DCLK2: variants seen among roughly 807,000 people sequenced by gnomAD.
The protein encoded by DCLK2 is doublecortin like kinase 2.
Under a neutral mutation model 78.4 loss-of-function variants are expected in DCLK2, and 31 were observed. The ratio of observed to expected loss-of-function variants is 0.40; its 90% CI spans 0.30 to 0.53. The LOEUF is 0.53. Ranked by LOEUF, DCLK2 falls within the 20% of genes least tolerant of loss-of-function variation. The probability of loss-of-function intolerance (pLI) is 0.61; values close to 1 mark genes in which losing one functional copy is unlikely to be tolerated. For missense variants in DCLK2, 872 were observed against 973.7 expected (o/e 0.90, Z 1.39); for synonymous variants, 407 against 374.9 (o/e 1.09, Z -0.99).
intron 12 of DCLK2, 91 bp from the exon 13 acceptor site, chr4:150,247,511 TG>T: frequency 9.9e-7 from 1 of 1,005,712 alleles, no homozygotes; most frequent in Non-Finnish European, 1.5e-6. Context: ...AGCCAGAGAC[TG>T]GACTCCTTTC....
intron 1 of DCLK2, among the ~76,000 whole-genome samples, chr4:150,080,046 C>A (rs1403446766): frequency 1.3e-5 from 2 of 151,936 alleles, no homozygotes; most frequent in Admixed American, 1.3e-4. Flanking sequence ...GATCCCCCAA[C>A]CCCCAGATAT....
intron 2 of DCLK2, among the ~76,000 whole-genome samples, chr4:150,180,195 T>G (rs1335502713): frequency 6.6e-6 from 1 of 152,136 alleles, no homozygotes; most frequent in Non-Finnish European, 1.5e-5. Flanking sequence ...AAATCTCAGC[T>G]CCTCCCTTAC....
chr4:150,194,803 A>G (rs1468315959), intron 3 of DCLK2, among the ~76,000 whole-genome samples: 2 of 152,074 alleles, frequency 1.3e-5, no homozygotes, highest in African/African-American at 4.8e-5. Context: ...GGATTAGAGA[A>G]CTGTACTACC....
intron 2 of DCLK2, among the ~76,000 whole-genome samples, chr4:150,109,785 G>A (rs535234367): frequency 1.3e-5 from 2 of 152,258 alleles, no homozygotes; most frequent in South Asian, 4.1e-4. Context: ...AGAGCAACTA[G>A]TAGGATATTT....
At chr4:150,178,850 GA>G (rs985511586) in intron 2 of DCLK2, among the ~76,000 whole-genome samples, 5 of 152,120 alleles carry the variant, frequency 3.3e-5, no homozygotes, top group Non-Finnish European at 5.9e-5. Context: ...TCCTAAACTT[GA>G]AATATCTCTT....
chr4:150,128,197 C>T (rs1259146644), intron 2 of DCLK2, among the ~76,000 whole-genome samples: 1 of 152,110 alleles, frequency 6.6e-6, no homozygotes, highest in Non-Finnish European at 1.5e-5. Flanking sequence ...ATAGGAAAGG[C>T]CTCCAAAACA....
intron 5 of DCLK2, among the ~76,000 whole-genome samples, chr4:150,204,748 C>T (rs1739717505): frequency 2.0e-5 from 3 of 152,082 alleles, no homozygotes; most frequent in South Asian, 2.1e-4. Context: ...AAAAATTAGC[C>T]GGGCCTGGTG....
At chr4:150,175,192 TA>T (rs1736969328) in intron 2 of DCLK2, among the ~76,000 whole-genome samples, 1 of 79,204 alleles carries the variant, frequency 1.3e-5, no homozygotes, top group African/African-American at 6.4e-5. Flanking sequence ...ATTTATAATT[TA>T]TCTATATATA....
intron 2 of DCLK2, among the ~76,000 whole-genome samples, chr4:150,190,053 G>GAAAAAAA (rs1378760105): frequency 7.7e-5 from 1 of 12,958 alleles, no homozygotes; most frequent in East Asian, 7.7e-4. Flanking sequence ...AAAAAAAAAG[G>GAAAAAAA]CCAAGTGTGG....
At chr4:150,228,791 C>T (rs1741806835) in intron 8 of DCLK2, among the ~76,000 whole-genome samples, 1 of 152,120 alleles carries the variant, frequency 6.6e-6, no homozygotes, top group Non-Finnish European at 1.5e-5. Flanking sequence ...CTTTGGGAGG[C>T]CGAGGCGGGT....
intron 2 of DCLK2, among the ~76,000 whole-genome samples, chr4:150,176,225 C>T (rs1737079078): frequency 6.6e-6 from 1 of 152,178 alleles, no homozygotes; most frequent in Non-Finnish European, 1.5e-5. Flanking sequence ...GAATCTAATA[C>T]TATGAGCCCT....
intron 2 of DCLK2, among the ~76,000 whole-genome samples, chr4:150,182,756 A>G (rs1365102437): frequency 1.3e-5 from 2 of 152,226 alleles, no homozygotes; most frequent in African/African-American, 2.4e-5. Flanking sequence ...GGCTATCAAT[A>G]TAGTTTTATT....
intron 4 of DCLK2, among the ~76,000 whole-genome samples, chr4:150,202,797 A>C (rs1272434708): frequency 1.3e-5 from 2 of 152,188 alleles, no homozygotes; most frequent in African/African-American, 4.8e-5. Flanking sequence ...TAAATACTCT[A>C]TTTAGAGGAG....
At chr4:150,158,177 T>C (rs1220286522) in intron 2 of DCLK2, among the ~76,000 whole-genome samples, 2 of 152,188 alleles carry the variant, frequency 1.3e-5, no homozygotes, top group Non-Finnish European at 2.9e-5. Flanking sequence ...CTCCCCCTTT[T>C]GGCTGTGTGT....
At chr4:150,249,912 C>T (rs535365427) in intron 15 of DCLK2, among the ~76,000 whole-genome samples, 6 of 152,174 alleles carry the variant, frequency 3.9e-5, no homozygotes, top group South Asian at 4.2e-4. Context: ...GGGGTCCAGG[C>T]GTCAAGGAGC....
chr4:150,145,720 C>A (rs183439189), intron 2 of DCLK2, among the ~76,000 whole-genome samples: 1 of 152,120 alleles, frequency 6.6e-6, no homozygotes, highest in South Asian at 2.1e-4. Flanking sequence ...TTGATAGCAA[C>A]GTAACTTAAC....
chr4:150,190,385 G>A (rs1387021261), intron 2 of DCLK2, among the ~76,000 whole-genome samples: 2 of 152,108 alleles, frequency 1.3e-5, no homozygotes, highest in Non-Finnish European at 2.9e-5. Flanking sequence ...AATCAGCTCT[G>A]AAGCTAAAAA....
At chr4:150,223,200 T>C (rs1741329723) in intron 7 of DCLK2, among the ~76,000 whole-genome samples, 1 of 152,180 alleles carries the variant, frequency 6.6e-6, no homozygotes, top group African/African-American at 2.4e-5. Context: ...GCATCTAAAG[T>C]ATGACTTTTA....
At chr4:150,107,865 G>A (rs116108983) in intron 2 of DCLK2, among the ~76,000 whole-genome samples, 1,743 of 152,220 alleles carry the variant, frequency 0.011, 19 homozygotes, top group Non-Finnish European at 0.018. Flanking sequence ...CAGTTACTAG[G>A]GAGGCTGAGG....
Sources: gnomAD v4.1 joint callset for allele counts (sites outside exome capture counted in the v4.1 genomes callset) on GRCh38, gnomAD v4.1.1 for gene constraint, MANE v1.5 for transcripts, NCBI Gene and HGNC (gene_info 2026-07-23, HGNC 2026-07-21) for gene names.